Variants in TAFA1 observed in about 807,000 individuals in gnomAD.
TAFA1 encodes the protein chemokine-like protein TAFA-1.
TAFA1 carries 4 observed loss-of-function variants against 18.5 expected under a neutral mutation model. The observed-to-expected ratio is 0.22, with a 90% CI of 0.11 to 0.49. TAFA1 has a LOEUF of 0.49. Among genes scored for constraint, TAFA1 ranks in the 20% least tolerant of loss-of-function variants. The pLI is 0.98. For synonymous variants in TAFA1, 56 were observed against 55.2 expected (o/e 1.01, Z -0.06); for missense variants, 147 against 169.0 (o/e 0.87, Z 0.72).
chr3:68,515,563 G>A (rs1299791099), intron 3 of TAFA1, among the ~76,000 whole-genome samples: 1 of 152,128 alleles, frequency 6.6e-6, no homozygotes, highest in Non-Finnish European at 1.5e-5. Context: ...GCAGATGCTA[G>A]GTATGTAGAA....
intron 2 of TAFA1, among the ~76,000 whole-genome samples, chr3:68,019,476 C>A (rs1238355024): frequency 5.3e-5 from 8 of 152,134 alleles, no homozygotes; most frequent in Non-Finnish European, 1.2e-4. Flanking sequence ...AGTTATAAAT[C>A]ATTCACACTG....
At chr3:68,039,723 A>G (rs995290042) in intron 2 of TAFA1, among the ~76,000 whole-genome samples, 2 of 152,166 alleles carry the variant, frequency 1.3e-5, no homozygotes, top group Admixed American at 1.3e-4. Flanking sequence ...ATCTCCAGAG[A>G]TACAAGTGGG....
At chr3:68,103,758 A>T (rs1189732764) in intron 2 of TAFA1, among the ~76,000 whole-genome samples, 1 of 152,172 alleles carries the variant, frequency 6.6e-6, no homozygotes, top group African/African-American at 2.4e-5. Flanking sequence ...AGCATTTGTT[A>T]TGTGCCAGGC....
At chr3:68,258,724 A>G (rs1405610643) in intron 2 of TAFA1, among the ~76,000 whole-genome samples, 1 of 152,100 alleles carries the variant, frequency 6.6e-6, no homozygotes, top group Non-Finnish European at 1.5e-5. Flanking sequence ...TTCTAGTCCA[A>G]CCTTACTGGG....
intron 2 of TAFA1, among the ~76,000 whole-genome samples, chr3:68,214,777 A>G (rs2066634737): frequency 6.6e-6 from 1 of 152,066 alleles, no homozygotes; most frequent in Non-Finnish European, 1.5e-5. Context: ...ACCTCCTCTT[A>G]CATATACTGT....
At chr3:68,240,222 A>G (rs1018636126) in intron 2 of TAFA1, among the ~76,000 whole-genome samples, 1 of 152,196 alleles carries the variant, frequency 6.6e-6, no homozygotes, top group Non-Finnish European at 1.5e-5. Context: ...ACTCCACTTC[A>G]TGGTGTCCCC....
intron 2 of TAFA1, among the ~76,000 whole-genome samples, chr3:68,082,246 A>C (rs1395162212): frequency 2.6e-5 from 4 of 152,226 alleles, no homozygotes; most frequent in Non-Finnish European, 1.5e-5. Flanking sequence ...CCGGTACCTC[A>C]GATGGAAATG....
chr3:67,998,804 C>A, the TAFA1 span, among the ~76,000 whole-genome samples: 1 of 152,176 alleles, frequency 6.6e-6, no homozygotes, highest in Non-Finnish European at 1.5e-5. Flanking sequence ...TCAAACCCAA[C>A]TGCAAGTGAG....
chr3:68,032,096 G>A (rs1405589738), intron 2 of TAFA1, among the ~76,000 whole-genome samples: 1 of 151,890 alleles, frequency 6.6e-6, no homozygotes, highest in Non-Finnish European at 1.5e-5. Context: ...GTACCTTCAT[G>A]TTTTTTTCAG....
intron 3 of TAFA1, among the ~76,000 whole-genome samples, chr3:68,462,736 C>T (rs1029074978): frequency 6.6e-6 from 1 of 152,098 alleles, no homozygotes; most frequent in Non-Finnish European, 1.5e-5. Context: ...ACCTAATATG[C>T]TGTTTTATGT....
chr3:68,358,184 C>T (rs1349194390), intron 2 of TAFA1, among the ~76,000 whole-genome samples: 2 of 151,886 alleles, frequency 1.3e-5, no homozygotes, highest in South Asian at 2.1e-4. Context: ...TTTTTCTATG[C>T]TTATATGACT....
At chr3:68,418,834 C>G (rs1324522222) in intron 3 of TAFA1, among the ~76,000 whole-genome samples, 1 of 152,174 alleles carries the variant, frequency 6.6e-6, no homozygotes, top group African/African-American at 2.4e-5. Context: ...AACAATTCTA[C>G]AAAGCAGTAT....
At chr3:68,219,209 A>T (rs1297823198) in intron 2 of TAFA1, among the ~76,000 whole-genome samples, 1 of 152,080 alleles carries the variant, frequency 6.6e-6, no homozygotes. Flanking sequence ...GACAGTGAGA[A>T]ATGCATTTAT....
chr3:68,235,571 TATTTCC>T (rs1223840499), intron 2 of TAFA1, among the ~76,000 whole-genome samples: 2 of 152,216 alleles, frequency 1.3e-5, no homozygotes, highest in Non-Finnish European at 2.9e-5. Context: ...GCTCAATTTC[TATTTCC>T]AGTTTTCCCA....
intron 2 of TAFA1, among the ~76,000 whole-genome samples, chr3:68,181,554 T>C (rs976742429): frequency 6.6e-6 from 1 of 152,192 alleles, no homozygotes; most frequent in Non-Finnish European, 1.5e-5. Flanking sequence ...ATACTGATAA[T>C]GTTGCTAATA....
At chr3:68,041,996 C>T (rs1372524463) in intron 2 of TAFA1, among the ~76,000 whole-genome samples, 5 of 152,066 alleles carry the variant, frequency 3.3e-5, no homozygotes, top group African/African-American at 7.2e-5. Flanking sequence ...TCATATTGTT[C>T]AACAATTTTG....
chr3:68,227,458 T>G (rs1559566277), intron 2 of TAFA1, among the ~76,000 whole-genome samples: 1 of 152,168 alleles, frequency 6.6e-6, no homozygotes, highest in Non-Finnish European at 1.5e-5. Context: ...AGCCAGACCC[T>G]TCAAAGCCTT....
At chr3:68,459,047 G>A (rs944085062) in intron 3 of TAFA1, among the ~76,000 whole-genome samples, 5 of 152,252 alleles carry the variant, frequency 3.3e-5, no homozygotes, top group South Asian at 2.1e-4. Flanking sequence ...TTCTCACAGC[G>A]AGAATTCTTC....
At position 68,109,358 on chromosome 3, in the gene TAFA1, T is replaced by G. The variant is rs1364359370; in HGVS notation, c.118+102614T>G. Among the ~76,000 whole-genome samples, 10 of 152,270 alleles carry G rather than the reference T, an allele frequency of 6.6e-5. No homozygotes were observed. The East Asian group carries it at 1.9e-3, about 29-fold the overall frequency. On this transcript the variant is annotated intron_variant, in intron 2 of 4. Transcript: ENST00000478136. ...TGTGGCATCATTGTGCGACATACTT[T>G]CATGTGTTATCTGTTCATATTGACT...
Sources: allele counts gnomAD v4.1 joint callset (sites outside exome capture counted in the v4.1 genomes callset), GRCh38; gene constraint gnomAD v4.1.1; transcripts MANE v1.5; gene names NCBI Gene and HGNC (gene_info 2026-07-23, HGNC 2026-07-21).